Variants in KANSL1 observed in about 807,000 individuals in gnomAD.
KANSL1 encodes the protein MLL1/MLL complex subunit KANSL1.
In KANSL1, 22 loss-of-function variants were observed where a neutral mutation model predicts 103.6. The observed-to-expected ratio is 0.21, with a 90% CI of 0.15 to 0.30. The LOEUF is 0.30. Among genes scored for constraint, KANSL1 ranks in the 10% least tolerant of loss-of-function variants. The pLI is 1.00. For missense variants in KANSL1, 1,337 were observed against 1,399.8 expected, an observed-to-expected ratio of 0.96 and a Z score of 0.72; for synonymous variants, 600 against 527.6, an observed-to-expected ratio of 1.14 and a Z score of -1.88.
At chr17:46,128,318 T>C (rs770318089) in intron 2 of KANSL1, among the ~76,000 whole-genome samples, 3 of 152,184 alleles carry the variant, frequency 2.0e-5, no homozygotes, top group Non-Finnish European at 4.4e-5. Flanking sequence ...TACAATTTTA[T>C]TCACTCGATT....
At chr17:46,052,060 T>G (rs1179672799) in intron 6 of KANSL1, among the ~76,000 whole-genome samples, 1 of 152,146 alleles carries the variant, frequency 6.6e-6, no homozygotes, top group Non-Finnish European at 1.5e-5. Context: ...ATCTATGTAA[T>G]CAGAGCTGGC....
chr17:46,191,154 T>C (rs1218587766), intron 1 of KANSL1, among the ~76,000 whole-genome samples: 1 of 152,164 alleles, frequency 6.6e-6, no homozygotes, highest in Non-Finnish European at 1.5e-5. Context: ...TACCCAATTA[T>C]GGGAAAAACT....
At chr17:46,147,409 A>G (rs1219629126) in intron 2 of KANSL1, among the ~76,000 whole-genome samples, 1 of 152,114 alleles carries the variant, frequency 6.6e-6, no homozygotes, top group African/African-American at 2.4e-5. Flanking sequence ...TCCTGTCTCT[A>G]CAAAAAATAC....
chr17:46,100,769 G>C (rs561620712), intron 2 of KANSL1, among the ~76,000 whole-genome samples: 43 of 152,320 alleles, frequency 2.8e-4, no homozygotes, highest in African/African-American at 1.0e-3. Context: ...CAATCCAGTA[G>C]AACAGGGCTG....
intron 2 of KANSL1, among the ~76,000 whole-genome samples, chr17:46,166,237 C>G (rs1387449746): frequency 7.3e-6 from 1 of 137,564 alleles, no homozygotes; most frequent in Non-Finnish European, 1.6e-5. Context: ...AAGGGCTGGG[C>G]ACAGTGACTT....
chr17:46,206,467 T>C (rs2047972688), intron 1 of KANSL1, among the ~76,000 whole-genome samples: 1 of 152,252 alleles, frequency 6.6e-6, no homozygotes, highest in Admixed American at 6.5e-5. Context: ...AGCTGACACC[T>C]ATAATCCCAG....
At chr17:46,157,460 A>G (rs1039943528) in intron 2 of KANSL1, among the ~76,000 whole-genome samples, 3 of 152,270 alleles carry the variant, frequency 2.0e-5, no homozygotes, top group African/African-American at 7.2e-5. Context: ...TGGAAATGAC[A>G]ACCTCAGCAC....
chr17:46,096,253 C>G (rs1174792701), intron 2 of KANSL1, among the ~76,000 whole-genome samples: 2 of 150,068 alleles, frequency 1.3e-5, no homozygotes, highest in Non-Finnish European at 1.5e-5. Flanking sequence ...GCTATCCTCC[C>G]ACCTCAGTCT....
Position 46,050,454 on chromosome 17 carries a change from G to A in KANSL1, c.2020+79C>T, listed in dbSNP as rs2077673251. 3 of 1,401,882 alleles carry A rather than the reference G, an allele frequency of 2.1e-6. No homozygotes were observed. The East Asian group carries it at 7.1e-5, about 33-fold the overall frequency. The allele number at this position is 1,401,882 out of a possible 1,614,324, so 86.8% of individuals were successfully genotyped here. On this transcript the variant is annotated intron_variant, in intron 7 of 14. Coordinates refer to ENST00000432791, the MANE Select transcript of KANSL1 (RefSeq NM_015443.4). ...CCTTGAAAGTATCTGAGTTGTAACTGCACCTTGGCTGATTTTCTTTCACCT... is the reference window on the plus strand; with the variant it reads ...CCTTGAAAGTATCTGAGTTGTAACTACACCTTGGCTGATTTTCTTTCACCT...
At chr17:46,127,670 T>C (rs941440128) in intron 2 of KANSL1, among the ~76,000 whole-genome samples, 3 of 151,872 alleles carry the variant, frequency 2.0e-5, no homozygotes, top group African/African-American at 7.3e-5. Context: ...CCCAGCTACT[T>C]GGGAGGCTGA....
At chr17:46,217,767 G>C (rs1298730845) in intron 1 of KANSL1, among the ~76,000 whole-genome samples, 2 of 152,216 alleles carry the variant, frequency 1.3e-5, no homozygotes, top group Non-Finnish European at 2.9e-5. Context: ...GCTCATGCCT[G>C]TAATCCCAGC....
At chr17:46,133,790 A>C (rs2043987498) in intron 2 of KANSL1, among the ~76,000 whole-genome samples, 1 of 152,242 alleles carries the variant, frequency 6.6e-6, no homozygotes, top group South Asian at 2.1e-4. Context: ...GATATGATAC[A>C]TTTTTAAATG....
chr17:46,172,894 G>A (rs2046356251), intron 1 of KANSL1, among the ~76,000 whole-genome samples: 1 of 152,038 alleles, frequency 6.6e-6, no homozygotes, highest in African/African-American at 2.4e-5. Context: ...TCTGCCCTCA[G>A]TACAGCCTCT....
At chr17:46,033,537 G>A in intron 11 of KANSL1, 77 bp from the exon 12 acceptor site, 1 of 1,205,964 alleles carries the variant, frequency 8.3e-7, no homozygotes, top group South Asian at 1.2e-5. Flanking sequence ...GTCCATGCAA[G>A]GATGAGAATC....
chr17:46,093,001 T>C (rs2079472092), intron 3 of KANSL1: 2 of 152,188 alleles, frequency 1.3e-5, no homozygotes, highest in African/African-American at 4.8e-5. Flanking sequence ...TATACACATA[T>C]ATAAACCCAC....
chr17:46,126,730 A>C (rs981761178), intron 2 of KANSL1, among the ~76,000 whole-genome samples: 5 of 152,232 alleles, frequency 3.3e-5, no homozygotes, highest in Admixed American at 2.6e-4. Context: ...TTATGTGTGC[A>C]TAAGAAATGT....
chr17:46,162,318 C>T (rs2045784451), intron 2 of KANSL1, among the ~76,000 whole-genome samples: 1 of 152,224 alleles, frequency 6.6e-6, no homozygotes, highest in Admixed American at 6.5e-5. Flanking sequence ...AATTAAAGTA[C>T]CATCCATTTA....
At chr17:46,110,582 C>A (rs1042332365) in intron 2 of KANSL1, among the ~76,000 whole-genome samples, 1 of 152,172 alleles carries the variant, frequency 6.6e-6, no homozygotes, top group African/African-American at 2.4e-5. Context: ...AGTATTACTG[C>A]CAAATCAATT....
intron 1 of KANSL1, among the ~76,000 whole-genome samples, chr17:46,214,614 G>A (rs3890609): frequency 0.55 from 83,395 of 151,608 alleles, 23,062 homozygotes; most frequent in East Asian, 0.89. Context: ...AGATCGCGCC[G>A]TTGCGCTCCA....
Sources: allele counts gnomAD v4.1 joint callset (sites outside exome capture counted in the v4.1 genomes callset), GRCh38; gene constraint gnomAD v4.1.1; transcripts MANE v1.5; gene names NCBI Gene and HGNC (gene_info 2026-07-23, HGNC 2026-07-21).